The following GRM7 variants were observed in gnomAD, a reference collection of about 807,000 sequenced individuals.
The protein encoded by GRM7 is metabotropic glutamate receptor 7.
A neutral mutation model predicts 84.5 loss-of-function variants in GRM7; 35 were observed. That is an observed-to-expected ratio of 0.41 (90% CI 0.32 to 0.55). The LOEUF is 0.55. GRM7 is among the 20% of genes least tolerant of loss of function. The pLI is 0.19. For synonymous variants in GRM7, 487 were observed against 455.1 expected (o/e 1.07, Z -0.89); for missense variants, 1,003 against 1,194.6 (o/e 0.84, Z 2.36).
chr3:7,179,845 G>C (rs1695279134), intron 2 of GRM7, among the ~76,000 whole-genome samples: 1 of 152,070 alleles, frequency 6.6e-6, no homozygotes, highest in Non-Finnish European at 1.5e-5. Flanking sequence ...ATAGTATAGG[G>C]GAAACACTCA....
At chr3:7,653,698 T>C (rs1699057366) in intron 8 of GRM7, among the ~76,000 whole-genome samples, 1 of 152,116 alleles carries the variant, frequency 6.6e-6, no homozygotes, top group Non-Finnish European at 1.5e-5. Flanking sequence ...GAATATTAAG[T>C]GGATGGTGCA....
intron 1 of GRM7, among the ~76,000 whole-genome samples, chr3:7,101,485 T>C (rs1699106842): frequency 6.6e-6 from 1 of 151,684 alleles, no homozygotes; most frequent in Admixed American, 6.6e-5. Context: ...TTAAAGTGCA[T>C]ATCCTGTAAA....
chr3:7,504,540 G>A (rs1699981896), intron 7 of GRM7, among the ~76,000 whole-genome samples: 1 of 152,198 alleles, frequency 6.6e-6, no homozygotes, highest in Admixed American at 6.5e-5. Context: ...TCAATAGCAT[G>A]GTGTCTGCAT....
At chr3:6,996,715 C>T (rs768044787) in intron 1 of GRM7, among the ~76,000 whole-genome samples, 1 of 152,160 alleles carries the variant, frequency 6.6e-6, no homozygotes, top group Non-Finnish European at 1.5e-5. Context: ...TCTTCCTTCC[C>T]TTTAGTCTTT....
At chr3:7,603,227 A>G (rs1003971229) in intron 8 of GRM7, among the ~76,000 whole-genome samples, 3 of 152,166 alleles carry the variant, frequency 2.0e-5, no homozygotes, top group Non-Finnish European at 4.4e-5. Flanking sequence ...AACATGGTGA[A>G]GTATAAACCT....
chr3:6,931,876 A>G (rs568031884), intron 1 of GRM7, among the ~76,000 whole-genome samples: 14 of 152,336 alleles, frequency 9.2e-5, no homozygotes, highest in South Asian at 4.1e-4. Flanking sequence ...AACTTAATCA[A>G]ATAAGGTTCC....
chr3:7,462,815 C>T (rs79605877), intron 7 of GRM7, among the ~76,000 whole-genome samples: 6,451 of 152,076 alleles, frequency 0.042, 187 homozygotes, highest in South Asian at 0.071. Context: ...AAATTGGGTC[C>T]AAAAGATTAT....
intron 1 of GRM7, among the ~76,000 whole-genome samples, chr3:7,057,153 C>G (rs1358327422): frequency 3.3e-5 from 5 of 151,962 alleles, no homozygotes; most frequent in Middle Eastern, 3.4e-3. Flanking sequence ...TTCCTAGAAA[C>G]TTGTTGAAAT....
At chr3:6,872,836 G>A (rs768649931) in intron 1 of GRM7, among the ~76,000 whole-genome samples, 11 of 152,108 alleles carry the variant, frequency 7.2e-5, no homozygotes, top group Non-Finnish European at 1.3e-4. Flanking sequence ...GTGTATATGT[G>A]CCACATTTTC....
chr3:6,953,361 C>A (rs141517275), intron 1 of GRM7, among the ~76,000 whole-genome samples: 29 of 152,342 alleles, frequency 1.9e-4, no homozygotes, highest in African/African-American at 6.5e-4. Context: ...GTTCTGGCAA[C>A]TGTTGCCCTG....
chr3:7,061,494 G>C (rs1285742647), intron 1 of GRM7, among the ~76,000 whole-genome samples: 2 of 151,712 alleles, frequency 1.3e-5, no homozygotes, highest in Non-Finnish European at 2.9e-5. Flanking sequence ...ACCCGGAGTT[G>C]ACTGTTTGTA....
At chr3:7,307,194 T>G (rs536082569) in intron 4 of GRM7, among the ~76,000 whole-genome samples, 1 of 152,216 alleles carries the variant, frequency 6.6e-6, no homozygotes. Context: ...TCTAAACTTA[T>G]GCCTCTTTCT....
At chr3:7,176,333 C>G (rs35094837) in intron 2 of GRM7, among the ~76,000 whole-genome samples, 13,176 of 149,634 alleles carry the variant, frequency 0.088, 734 homozygotes, top group Non-Finnish European at 0.12. Context: ...ATTGATTGAG[C>G]CTGCCAGGAG....
chr3:7,122,976 G>T (rs1412430149), intron 1 of GRM7, among the ~76,000 whole-genome samples: 2 of 152,124 alleles, frequency 1.3e-5, no homozygotes, highest in Non-Finnish European at 2.9e-5. Flanking sequence ...TTTTGAAAAG[G>T]TCTCCTTTTC....
intron 8 of GRM7, among the ~76,000 whole-genome samples, chr3:7,642,913 T>C (rs934218035): frequency 6.2e-4 from 95 of 152,078 alleles, no homozygotes; most frequent in African/African-American, 2.1e-3. Context: ...TAACAATTGT[T>C]ATCTACAAGC....
At chr3:7,232,675 T>C (rs1697231888) in intron 2 of GRM7, among the ~76,000 whole-genome samples, 1 of 152,222 alleles carries the variant, frequency 6.6e-6, no homozygotes, top group Non-Finnish European at 1.5e-5. Flanking sequence ...TCAAGCACTG[T>C]GTCTGGTGCT....
intron 8 of GRM7, among the ~76,000 whole-genome samples, chr3:7,674,153 G>A (rs1327162196): frequency 6.6e-6 from 1 of 151,904 alleles, no homozygotes; most frequent in African/African-American, 2.4e-5. Flanking sequence ...TGATTTTGTG[G>A]GCAAATAATG....
chr3:7,038,504 C>T (rs898109174), intron 1 of GRM7, among the ~76,000 whole-genome samples: 4 of 152,154 alleles, frequency 2.6e-5, no homozygotes, highest in Non-Finnish European at 4.4e-5. Flanking sequence ...AAATCCTCAG[C>T]TTTAAGTGTC....
chr3:7,447,061 T>C (rs557934114), intron 5 of GRM7, among the ~76,000 whole-genome samples: 2 of 152,128 alleles, frequency 1.3e-5, no homozygotes, highest in South Asian at 2.1e-4. Context: ...TGGGTAAAAG[T>C]AATAATGAGA....
Sources: gnomAD v4.1 joint callset for allele counts (sites outside exome capture counted in the v4.1 genomes callset) on GRCh38, gnomAD v4.1.1 for gene constraint, MANE v1.5 for transcripts, NCBI Gene and HGNC (gene_info 2026-07-23, HGNC 2026-07-21) for gene names.